PCDH15: variants seen among roughly 807,000 people sequenced by gnomAD.
PCDH15 encodes the protein protocadherin related 15.
In PCDH15, 129 loss-of-function variants were observed where a neutral mutation model predicts 178.5. The observed-to-expected ratio is 0.72, with a 90% CI of 0.63 to 0.84. PCDH15 has a LOEUF of 0.84. PCDH15 is among the 40% of genes least tolerant of loss of function. PCDH15 has a pLI of 0.00. For missense variants in PCDH15, 2,230 were observed against 2,099.9 expected (o/e 1.06, Z -1.21); for synonymous variants, 800 against 732.0 (o/e 1.09, Z -1.50).
At chr10:54,179,832 T>A (rs894621007) in intron 13 of PCDH15, among the ~76,000 whole-genome samples, 1 of 152,176 alleles carries the variant, frequency 6.6e-6, no homozygotes, top group Non-Finnish European at 1.5e-5. Flanking sequence ...AATCACAGTT[T>A]AAGAGAATTG....
chr10:55,201,661 T>C (rs1354943650), intron 1 of PCDH15, among the ~76,000 whole-genome samples: 1 of 152,164 alleles, frequency 6.6e-6, no homozygotes, highest in South Asian at 2.1e-4. Context: ...ACTATTGATG[T>C]TCATTGATGA....
intron 21 of PCDH15, among the ~76,000 whole-genome samples, chr10:53,968,649 G>A (rs754967310): frequency 3.3e-5 from 5 of 152,168 alleles, no homozygotes; most frequent in East Asian, 1.9e-4. Context: ...ACTCTGAGAC[G>A]AAGCTTCCAG....
chr10:55,116,031 C>T (rs373910714), intron 2 of PCDH15, among the ~76,000 whole-genome samples: 11 of 152,204 alleles, frequency 7.2e-5, no homozygotes, highest in South Asian at 4.2e-4. Context: ...TATAATACCC[C>T]GACCTTTACC....
chr10:54,405,632 A>G (rs1315864630), intron 3 of PCDH15, among the ~76,000 whole-genome samples: 1 of 151,910 alleles, frequency 6.6e-6, no homozygotes, highest in Admixed American at 6.6e-5. Flanking sequence ...ACCAACCCCC[A>G]TGACACAAGT....
At chr10:54,395,878 T>A (rs1951152060) in intron 3 of PCDH15, among the ~76,000 whole-genome samples, 1 of 152,164 alleles carries the variant, frequency 6.6e-6, no homozygotes, top group Non-Finnish European at 1.5e-5. Context: ...GTAGATATAA[T>A]ATGAAACTGT....
At chr10:54,442,294 A>G (rs2075834943) in intron 3 of PCDH15, among the ~76,000 whole-genome samples, 1 of 149,268 alleles carries the variant, frequency 6.7e-6, no homozygotes, top group African/African-American at 2.5e-5. Flanking sequence ...AATCTTGGGG[A>G]TAAACCGTGG....
At chr10:54,429,312 C>A (rs188813097) in intron 3 of PCDH15, among the ~76,000 whole-genome samples, 1 of 151,622 alleles carries the variant, frequency 6.6e-6, no homozygotes, top group African/African-American at 2.4e-5. Flanking sequence ...TTGTGGTAAC[C>A]TCAAATTGAA....
intron 3 of PCDH15, among the ~76,000 whole-genome samples, chr10:54,395,758 A>G (rs1488082811): frequency 2.6e-5 from 4 of 152,168 alleles, no homozygotes; most frequent in Non-Finnish European, 5.9e-5. Flanking sequence ...ATAATACATG[A>G]GTACCACATT....
At chr10:54,078,263 C>T (rs2094376900) in intron 17 of PCDH15, among the ~76,000 whole-genome samples, 1 of 151,790 alleles carries the variant, frequency 6.6e-6, no homozygotes. Context: ...ACTGCAATTA[C>T]CAAATTTAAT....
intron 1 of PCDH15, among the ~76,000 whole-genome samples, chr10:55,284,517 A>G (rs1287486633): frequency 6.6e-6 from 1 of 152,110 alleles, no homozygotes; most frequent in Non-Finnish European, 1.5e-5. Flanking sequence ...AGAAACTCTG[A>G]TATAAAAAAT....
intron 1 of PCDH15, among the ~76,000 whole-genome samples, chr10:54,733,390 A>G (rs1298616386): frequency 6.6e-6 from 1 of 151,624 alleles, no homozygotes; most frequent in Admixed American, 6.6e-5. Context: ...AAACAATTAG[A>G]TATTTAGGTT....
At chr10:54,324,689 C>T (rs1316371766) in intron 7 of PCDH15, among the ~76,000 whole-genome samples, 1 of 151,966 alleles carries the variant, frequency 6.6e-6, no homozygotes, top group Admixed American at 6.6e-5. Flanking sequence ...ATCATGAACA[C>T]GAGAGGCGAA....
intron 1 of PCDH15, among the ~76,000 whole-genome samples, chr10:55,258,666 A>G (rs1842069763): frequency 6.6e-6 from 1 of 151,880 alleles, no homozygotes; most frequent in Non-Finnish European, 1.5e-5. Context: ...AATGCTAAGT[A>G]TAAATATTTA....
chr10:55,060,645 G>GA (rs1268888240), intron 2 of PCDH15, among the ~76,000 whole-genome samples: 7 of 151,712 alleles, frequency 4.6e-5, no homozygotes, highest in African/African-American at 7.3e-5. Flanking sequence ...CCTTTCACAA[G>GA]AAAAATGGAT....
intron 8 of PCDH15, among the ~76,000 whole-genome samples, chr10:54,259,491 A>G (rs931403597): frequency 6.6e-6 from 1 of 152,216 alleles, no homozygotes; most frequent in African/African-American, 2.4e-5. Context: ...ACAAGAAGAG[A>G]GTGAACAAAG....
intron 1 of PCDH15, among the ~76,000 whole-genome samples, chr10:55,268,522 A>C (rs1842358906): frequency 6.6e-6 from 1 of 152,206 alleles, no homozygotes; most frequent in Admixed American, 6.5e-5. Context: ...GGAAATTAGC[A>C]TATATGGAGG....
intron 1 of PCDH15, among the ~76,000 whole-genome samples, chr10:55,254,591 A>G (rs1020573134): frequency 1.3e-5 from 2 of 152,224 alleles, no homozygotes; most frequent in Non-Finnish European, 2.9e-5. Context: ...AAAAAAATAT[A>G]TATCAAGATT....
chr10:54,769,606 T>A (rs1723998987), intron 1 of PCDH15, among the ~76,000 whole-genome samples: 1 of 151,912 alleles, frequency 6.6e-6, no homozygotes, highest in Admixed American at 6.6e-5. Flanking sequence ...GGAAACATCA[T>A]CACAAAATGC....
At chr10:54,529,611 G>A (rs2083704738) in intron 2 of PCDH15, among the ~76,000 whole-genome samples, 1 of 152,018 alleles carries the variant, frequency 6.6e-6, no homozygotes, top group South Asian at 2.1e-4. Flanking sequence ...ACTGTTGCTG[G>A]AATGTAGCCT....
Sources: gnomAD v4.1 joint callset for allele counts (sites outside exome capture counted in the v4.1 genomes callset) on GRCh38, gnomAD v4.1.1 for gene constraint, MANE v1.5 for transcripts, NCBI Gene and HGNC (gene_info 2026-07-23, HGNC 2026-07-21) for gene names.